The following MLANA variants were observed in gnomAD, a reference collection of about 807,000 sequenced individuals.
The protein encoded by MLANA is melanoma antigen recognized by T-cells 1.
In MLANA, 21 loss-of-function variants were observed where a neutral mutation model predicts 15.7. The observed-to-expected ratio is 1.33, with a 90% CI of 0.95 to 1.92. The LOEUF is 1.92. Ranked by LOEUF, MLANA falls within the 40% of genes most tolerant of loss-of-function variation. MLANA has a pLI of 0.00. For missense variants in MLANA, 164 were observed against 143.8 expected (o/e 1.14, Z -0.72); for synonymous variants, 56 against 51.5 (o/e 1.09, Z -0.37).
Position 5,910,230 on chromosome 9 carries a change from A to C in MLANA, c.*1522A>C, listed in dbSNP as rs1470935769. The C allele has an allele frequency of 2.0e-5, 3 of 152,222 alleles. No individual in the cohort carries two copies. Among genetic ancestry groups the C allele is most frequent in the African/African-American group, 7.2e-5 (3 of 41,462 alleles). The allele number at this position is 152,222 out of a possible 1,614,324, so 9.4% of individuals were successfully genotyped here. A position where few individuals can be genotyped will look rare whatever the true frequency, so the allele number is the denominator to read the frequency against. On this transcript the variant is annotated 3_prime_UTR_variant, in exon 5 of 5. Transcript: ENST00000381477. ...ATTGCTATTTAACGGTGAGTCAGTA[A>C]ACCACCTAAAAATCATCTTGTCTCA...
chr9:5,907,215 C>A, intron 4 of MLANA: 1 of 318,096 alleles, frequency 3.1e-6, no homozygotes. Context: ...CAGATATTTT[C>A]TTAATTGTGT....
chr9:5,904,436 G>A (rs559465861), intron 3 of MLANA, among the ~76,000 whole-genome samples: 2 of 152,038 alleles, frequency 1.3e-5, no homozygotes, highest in East Asian at 3.9e-4. Context: ...CATTTTATAT[G>A]ATTCCATTTT....
intron 3 of MLANA, among the ~76,000 whole-genome samples, chr9:5,905,506 A>T (rs76149054): frequency 0.037 from 5,616 of 151,914 alleles, 275 homozygotes; most frequent in South Asian, 0.12. Flanking sequence ...CCATAAAAAA[A>T]TTTTTTTTTA....
chr9:5,895,916 G>C, intron 2 of MLANA, among the ~76,000 whole-genome samples: 1 of 152,356 alleles, frequency 6.6e-6, no homozygotes, highest in African/African-American at 2.4e-5. Flanking sequence ...AGCTCTGACT[G>C]TGTCAAGATA....
In MLANA at chr9:5,906,997, T is replaced by C. The variant is rs372712608; in HGVS notation, c.287T>C (p.Val96Ala). Residue 96 changes from valine to alanine, a missense_variant and splice_region_variant, in exon 4 of 5, where the codon GTG (valine) becomes GCG (alanine). Transcript: ENST00000381477. Reference protein sequence around the residue: ...VSLQEKNCEPVVPNAPPAYEK... With the variant: ...VSLQEKNCEPAVPNAPPAYEK... ...CTTCAAGAGAAAAACTGTGAACCTG[T>C]GGTAGGTTAAGATCCTTCATAAGGG... 9.5e-6 allele frequency: 15 copies of C among 1,584,164 alleles called. No individual in the cohort carries two copies. Among genetic ancestry groups the C allele is most frequent in the Admixed American group, 1.9e-5 (1 of 53,442 alleles).
rs190849762 is a variant in MLANA, at chr9:5,892,041, C to G, written c.-25-409C>G. Among the ~76,000 whole-genome samples the G allele has an allele frequency of 2.6e-5, 4 of 152,310 alleles. No individual in the cohort carries two copies. The East Asian group carries it at 7.7e-4, about 29-fold the overall frequency. ...CAACAATAACTTTGGAGAAAAATAACTCCTCTAATTTTGTTAGCCACAGCC... is the reference window on the plus strand; with the variant it reads ...CAACAATAACTTTGGAGAAAAATAAGTCCTCTAATTTTGTTAGCCACAGCC... On this transcript the variant is annotated intron_variant, in intron 1 of 4. Transcript: ENST00000381477.
intron 2 of MLANA, 80 bp downstream of exon 2, chr9:5,892,631 C>T: frequency 1.7e-6 from 2 of 1,149,822 alleles, no homozygotes; most frequent in East Asian, 4.9e-5. Flanking sequence ...CAGTACATGC[C>T]TGCTCGTAAA....
chr9:5,906,844 ACTT>A (rs1563822302), intron 3 of MLANA, 38 bp from the exon 4 acceptor site: 1 of 1,294,756 alleles, frequency 7.7e-7, no homozygotes, highest in South Asian at 1.5e-5. Flanking sequence ...GGATTCAGTT[ACTT>A]CTTCTCACCC....
chr9:5,891,071 T>C lies in MLANA; in HGVS notation c.-26+135T>C, dbSNP rs1342400343. The C allele has an allele frequency of 2.6e-5, 4 of 152,236 alleles. No individual in the cohort carries two copies. In the South Asian group the frequency reaches 6.2e-4, roughly 24 times the overall value. 9.4% of individuals were successfully genotyped at this position (152,236 alleles called of 1,614,324 possible). On this transcript the variant is annotated intron_variant, in intron 1 of 4. Transcript: ENST00000381477. The stretch of plus-strand genomic sequence containing the variant: ...CATCAACAGAATTTCTCCGCAACGT[T>C]TGTCAGTCTCCAACCTCAGAGGGCT...
At chr9:5,902,006 G>A (rs1391944835) in intron 3 of MLANA, among the ~76,000 whole-genome samples, 1 of 107,248 alleles carries the variant, frequency 9.3e-6, no homozygotes, top group Non-Finnish European at 2.3e-5. Flanking sequence ...TGGTATTAGG[G>A]TAATGCTGGC....
intron 3 of MLANA, among the ~76,000 whole-genome samples, chr9:5,904,264 C>T (rs930655776): frequency 6.6e-6 from 1 of 152,204 alleles, no homozygotes; most frequent in African/African-American, 2.4e-5. Context: ...CTCTGACAAT[C>T]TGTCTTTTAA....
chr9:5,904,771 C>T (rs922543697), intron 3 of MLANA, among the ~76,000 whole-genome samples: 1 of 147,046 alleles, frequency 6.8e-6, no homozygotes, highest in Non-Finnish European at 1.5e-5. Flanking sequence ...AGTCCAGTTA[C>T]ACTTCTTTTT....
chr9:5,902,911 G>T (rs1240126407), intron 3 of MLANA, among the ~76,000 whole-genome samples: 3 of 152,224 alleles, frequency 2.0e-5, no homozygotes, highest in African/African-American at 7.2e-5. Flanking sequence ...TGAAAGCTTA[G>T]ATGACTGATT....
intron 3 of MLANA, among the ~76,000 whole-genome samples, chr9:5,899,634 G>C (rs1300979253): frequency 6.6e-6 from 1 of 152,260 alleles, no homozygotes; most frequent in East Asian, 1.9e-4. Context: ...GGTTAGTAGG[G>C]GAGGACTTTA....
chr9:5,897,743 G>C, intron 3 of MLANA, 90 bp downstream of exon 3: 1 of 1,131,482 alleles, frequency 8.8e-7, no homozygotes, highest in Non-Finnish European at 1.3e-6. Context: ...TCAGATAATT[G>C]CCTCATTATA....
In MLANA at chr9:5,908,822, T is replaced by C; in HGVS notation, c.*114T>C. ...AATGGTGTAGGAAAAATGCAAGCCA[T>C]CTCTAATAATAAGTCAGTGTTAAAA... On this transcript the variant is annotated 3_prime_UTR_variant, in exon 5 of 5. Coordinates refer to ENST00000381477, the MANE Select transcript of MLANA (RefSeq NM_005511.2). 1 of 956,418 alleles carries C rather than the reference T, an allele frequency of 1.0e-6. No homozygotes were observed. 59.2% of individuals were successfully genotyped at this position (956,418 alleles called of 1,614,324 possible).
intron 2 of MLANA, 106 bp from the exon 3 acceptor site, chr9:5,897,451 C>T: frequency 9.8e-7 from 1 of 1,015,374 alleles, no homozygotes; most frequent in Non-Finnish European, 1.5e-6. Flanking sequence ...GGAGATGCTG[C>T]TCTGGGTCGT....
chr9:5,908,081 G>C (rs1211935168), intron 4 of MLANA, among the ~76,000 whole-genome samples: 1 of 152,214 alleles, frequency 6.6e-6, no homozygotes, highest in Non-Finnish European at 1.5e-5. Flanking sequence ...TACTGTGTTT[G>C]ATTCTTAGCT....
At position 5,908,638 on chromosome 9, in the gene MLANA, A is replaced by G; in HGVS notation, c.289-2A>G. ...CATATTCTCCCTTTCTTGTTCTCACAGGTTCCCAATGCTCCACCTGCTTAT... is the reference window on the plus strand; with the variant it reads ...CATATTCTCCCTTTCTTGTTCTCACGGGTTCCCAATGCTCCACCTGCTTAT... On this transcript the variant is annotated splice_acceptor_variant, in intron 4 of 4. Transcript: ENST00000381477. LOFTEE classifies it high-confidence loss of function. 6.2e-7 allele frequency: 1 copy of G among 1,613,756 alleles called. No homozygotes were observed. The highest frequency in any genetic ancestry group is 8.5e-7 in the Non-Finnish European group (1 of 1,179,682).
Sources: allele counts gnomAD v4.1 joint callset (sites outside exome capture counted in the v4.1 genomes callset), GRCh38; gene constraint gnomAD v4.1.1; transcripts MANE v1.5; gene names NCBI Gene and HGNC (gene_info 2026-07-23, HGNC 2026-07-21).